LRRC4C: variants seen among roughly 807,000 people sequenced by gnomAD.
LRRC4C encodes the protein leucine rich repeat containing 4C, also known as leucine-rich repeat-containing protein 4C.
In LRRC4C, 5 loss-of-function variants were observed where a neutral mutation model predicts 33.6. That is an observed-to-expected ratio of 0.15 (90% CI 0.08 to 0.31). The LOEUF is 0.31. Among genes scored for constraint, LRRC4C ranks in the 10% least tolerant of loss-of-function variants. The pLI, the probability that LRRC4C is intolerant of heterozygous loss-of-function variation, is 1.00. For missense variants in LRRC4C, 560 were observed against 796.7 expected (o/e 0.70, Z 3.58); for synonymous variants, 329 against 302.0 (o/e 1.09, Z -0.93).
At chr11:40,409,801 G>A (rs954541130) in intron 3 of LRRC4C, among the ~76,000 whole-genome samples, 19 of 152,024 alleles carry the variant, frequency 1.2e-4, no homozygotes, top group African/African-American at 4.3e-4. Flanking sequence ...ATTAGTATAA[G>A]CATTATGGGA....
At chr11:40,390,904 CAG>C (rs1433258513) in intron 3 of LRRC4C, among the ~76,000 whole-genome samples, 1 of 151,904 alleles carries the variant, frequency 6.6e-6, no homozygotes, top group East Asian at 1.9e-4. Flanking sequence ...GTTTTTGAGA[CAG>C]AGTGTTGCTC....
intron 2 of LRRC4C, among the ~76,000 whole-genome samples, chr11:40,684,645 A>ATTTTT (rs1423776011): frequency 6.6e-6 from 1 of 151,994 alleles, no homozygotes; most frequent in Non-Finnish European, 1.5e-5. Context: ...AAAATAATAC[A>ATTTTT]TTTCCAAAAA....
intron 2 of LRRC4C, among the ~76,000 whole-genome samples, chr11:40,903,365 A>C (rs549602097): frequency 6.6e-6 from 1 of 152,226 alleles, no homozygotes; most frequent in African/African-American, 2.4e-5. Context: ...TTCACCCAGC[A>C]GCTCTGCTGT....
rs74728529 is a variant in LRRC4C, at chr11:41,271,204, A to G, written c.-496+188227T>C. Among the ~76,000 whole-genome samples the G allele has an allele frequency of 4.6e-3, 702 of 152,180 alleles. 4 individuals carry two copies. The highest frequency in any genetic ancestry group is 0.016 in the African/African-American group (657 of 41,530). ...AAGTCTCCCCAGTTCTTGTGCTTCC[A>G]CAGTCCACTTTCCTCCTTCCTAACT... On this transcript the variant is annotated intron_variant, in intron 1 of 6. Coordinates refer to ENST00000528697, the MANE Select transcript of LRRC4C (RefSeq NM_001258419.2).
At chr11:40,386,265 C>T (rs942198130) in intron 3 of LRRC4C, among the ~76,000 whole-genome samples, 2 of 152,038 alleles carry the variant, frequency 1.3e-5, no homozygotes, top group East Asian at 3.9e-4. Flanking sequence ...TCACATTTGA[C>T]AAAATCTTGA....
At chr11:41,057,132 C>T (rs1019879795) in intron 1 of LRRC4C, among the ~76,000 whole-genome samples, 1 of 152,190 alleles carries the variant, frequency 6.6e-6, no homozygotes, top group Non-Finnish European at 1.5e-5. Context: ...CGCCGCCCCC[C>T]ATTCCCCGAC....
chr11:40,256,030 T>G (rs997447782), intron 4 of LRRC4C, among the ~76,000 whole-genome samples: 1 of 152,222 alleles, frequency 6.6e-6, no homozygotes, highest in African/African-American at 2.4e-5. Flanking sequence ...AGTTTCCTAT[T>G]ATGACCATCA....
chr11:41,316,262 CAAAA>C (rs60671406), intron 1 of LRRC4C, among the ~76,000 whole-genome samples: 4 of 78,010 alleles, frequency 5.1e-5, no homozygotes, highest in African/African-American at 2.1e-4. Flanking sequence ...CTCTGGATGG[CAAAA>C]AAAAAAAAAA....
chr11:41,327,388 T>C (rs1425985535), intron 1 of LRRC4C, among the ~76,000 whole-genome samples: 1 of 152,186 alleles, frequency 6.6e-6, no homozygotes, highest in Non-Finnish European at 1.5e-5. Context: ...TTTGATATGT[T>C]AGTGTACCAA....
intron 3 of LRRC4C, among the ~76,000 whole-genome samples, chr11:40,500,293 T>TATATATATATAC (rs1394949843): frequency 1.0e-5 from 1 of 96,846 alleles, no homozygotes; most frequent in Non-Finnish European, 2.0e-5. Context: ...TATATATATA[T>TATATATATATAC]ACACACACAC....
chr11:40,738,438 TA>T (rs1413511242), intron 2 of LRRC4C, among the ~76,000 whole-genome samples: 1 of 152,172 alleles, frequency 6.6e-6, no homozygotes, highest in Non-Finnish European at 1.5e-5. Context: ...CTTCTATTTC[TA>T]ATGTCTCTCT....
intron 2 of LRRC4C, among the ~76,000 whole-genome samples, chr11:40,790,363 T>G (rs1038037022): frequency 1.3e-5 from 2 of 152,210 alleles, no homozygotes; most frequent in African/African-American, 4.8e-5. Flanking sequence ...GATAACTACA[T>G]AATCTCATTA....
chr11:40,498,222 A>G (rs1347795322), intron 3 of LRRC4C, among the ~76,000 whole-genome samples: 2 of 152,166 alleles, frequency 1.3e-5, no homozygotes, highest in African/African-American at 4.8e-5. Context: ...AATAATATGT[A>G]GAGTTAGGCA....
chr11:41,386,249 G>A (rs1337584282), intron 1 of LRRC4C, among the ~76,000 whole-genome samples: 3 of 151,620 alleles, frequency 2.0e-5, no homozygotes, highest in Non-Finnish European at 4.4e-5. Context: ...TCTCAATGTT[G>A]TACTCAGAAA....
intron 1 of LRRC4C, among the ~76,000 whole-genome samples, chr11:41,136,218 G>T (rs1943254437): frequency 6.6e-6 from 1 of 152,128 alleles, no homozygotes; most frequent in Admixed American, 6.6e-5. Flanking sequence ...ATGATTTCTG[G>T]TTTTCTGGCT....
intron 1 of LRRC4C, among the ~76,000 whole-genome samples, chr11:41,104,497 C>T (rs1251386927): frequency 6.6e-6 from 1 of 151,794 alleles, no homozygotes. Flanking sequence ...AATTGAAACC[C>T]TTTTATACTG....
At chr11:40,270,653 A>G (rs11822082) in intron 4 of LRRC4C, among the ~76,000 whole-genome samples, 19,381 of 151,942 alleles carry the variant, frequency 0.13, 2,153 homozygotes, top group African/African-American at 0.3. Context: ...CTTTCAACCA[A>G]TCTAAGAACC....
chr11:41,438,477 A>G (rs1955512644), intron 1 of LRRC4C, among the ~76,000 whole-genome samples: 1 of 152,196 alleles, frequency 6.6e-6, no homozygotes, highest in Non-Finnish European at 1.5e-5. Flanking sequence ...AGTTAGTATG[A>G]GCAGAGAAAG....
At chr11:41,116,489 G>T (rs1942133216) in intron 1 of LRRC4C, among the ~76,000 whole-genome samples, 1 of 152,112 alleles carries the variant, frequency 6.6e-6, no homozygotes, top group Non-Finnish European at 1.5e-5. Flanking sequence ...ATTGAAGGTA[G>T]TATTGTTGCA....
Sources: gnomAD v4.1 joint callset for allele counts (sites outside exome capture counted in the v4.1 genomes callset) on GRCh38, gnomAD v4.1.1 for gene constraint, MANE v1.5 for transcripts, NCBI Gene and HGNC (gene_info 2026-07-23, HGNC 2026-07-21) for gene names.